The following CLDN16 variants were observed in gnomAD, a reference collection of about 807,000 sequenced individuals.
The protein encoded by CLDN16 is claudin 16.
Under a neutral mutation model 24.6 loss-of-function variants are expected in CLDN16, and 13 were observed. The ratio of observed to expected loss-of-function variants is 0.53; its 90% CI spans 0.34 to 0.84. The LOEUF (loss-of-function observed/expected upper bound fraction) is 0.84. CLDN16 is among the 40% of genes least tolerant of loss of function. The pLI, the probability that CLDN16 is intolerant of heterozygous loss-of-function variation, is 0.01. For missense variants in CLDN16, 298 were observed against 292.7 expected, an observed-to-expected ratio of 1.02 and a Z score of -0.13; for synonymous variants, 116 against 106.7, an observed-to-expected ratio of 1.09 and a Z score of -0.54.
intron 1 of CLDN16, among the ~76,000 whole-genome samples, chr3:190,340,858 G>A (rs1328617905): frequency 6.6e-6 from 1 of 152,162 alleles, no homozygotes; most frequent in Admixed American, 6.5e-5. Flanking sequence ...CATTCCAAAT[G>A]GGAGAAATTG....
chr3:190,333,575 TATC>T (rs1717231953), intron 1 of CLDN16, among the ~76,000 whole-genome samples: 1 of 98,024 alleles, frequency 1.0e-5, no homozygotes, highest in African/African-American at 4.0e-5. Flanking sequence ...TCTATCTATC[TATC>T]TATCAATCAT....
At chr3:190,400,523 G>A (rs994400734) in intron 1 of CLDN16, among the ~76,000 whole-genome samples, 8 of 152,076 alleles carry the variant, frequency 5.3e-5, no homozygotes, top group African/African-American at 1.7e-4. Context: ...GAGCCACCGT[G>A]CCCGACCGAG....
At chr3:190,409,193 C>CGTATATGCATGTATATATGCACACAT (rs1719197926) in intron 4 of CLDN16, among the ~76,000 whole-genome samples, 2 of 149,072 alleles carry the variant, frequency 1.3e-5, no homozygotes, top group African/African-American at 2.5e-5. Flanking sequence ...TATACACACA[C>CGTATATGCATGTATATATGCACACAT]GTATATGCAT....
chr3:190,295,353 C>G, the CLDN16 span, among the ~76,000 whole-genome samples: 2 of 152,088 alleles, frequency 1.3e-5, no homozygotes, highest in Non-Finnish European at 2.9e-5. Flanking sequence ...TTTATAAAAG[C>G]AAATTTTCTT....
chr3:190,327,217 C>T (rs112104173), intron 1 of CLDN16, among the ~76,000 whole-genome samples: 2,208 of 152,286 alleles, frequency 0.014, 33 homozygotes, highest in Middle Eastern at 0.037. Context: ...TTTTAGGTTT[C>T]AGAATTCCTG....
chr3:190,406,811 G>A (rs979475339), intron 3 of CLDN16, among the ~76,000 whole-genome samples: 10 of 145,618 alleles, frequency 6.9e-5, no homozygotes, highest in East Asian at 2.0e-4. Context: ...GCGTGATCTC[G>A]GCTCACTGCA....
intron 1 of CLDN16, among the ~76,000 whole-genome samples, chr3:190,336,923 A>G (rs1468440839): frequency 1.3e-5 from 2 of 152,256 alleles, no homozygotes; most frequent in Non-Finnish European, 2.9e-5. Context: ...TCCAAAGGGC[A>G]TATGTAAGCT....
At chr3:190,330,351 C>T (rs926553329) in intron 1 of CLDN16, among the ~76,000 whole-genome samples, 3 of 152,156 alleles carry the variant, frequency 2.0e-5, no homozygotes, top group African/African-American at 7.2e-5. Flanking sequence ...AACTGAGGCT[C>T]ACTCTCTGTG....
the CLDN16 span, among the ~76,000 whole-genome samples, chr3:190,302,288 A>C: frequency 2.7e-4 from 41 of 152,324 alleles, no homozygotes; most frequent in Admixed American, 6.5e-4. Context: ...TATTTAGTTT[A>C]GGATTATCAC....
chr3:190,346,983 G>A (rs894721597), intron 1 of CLDN16, among the ~76,000 whole-genome samples: 1 of 152,200 alleles, frequency 6.6e-6, no homozygotes, highest in Admixed American at 6.5e-5. Flanking sequence ...TTGGGCGGGG[G>A]GACACTTTGG....
intron 1 of CLDN16, among the ~76,000 whole-genome samples, chr3:190,359,722 T>G (rs1717847081): frequency 6.6e-6 from 1 of 151,892 alleles, no homozygotes; most frequent in African/African-American, 2.4e-5. Context: ...TGAAGAAGAG[T>G]GCTTCAGCGA....
chr3:190,353,747 G>A (rs924565534), intron 1 of CLDN16, among the ~76,000 whole-genome samples: 2 of 152,064 alleles, frequency 1.3e-5, no homozygotes, highest in African/African-American at 4.8e-5. Flanking sequence ...TGCTGACAAA[G>A]AGCTGGTTCT....
At chr3:190,364,972 A>G (rs1334167020) in intron 1 of CLDN16, among the ~76,000 whole-genome samples, 2 of 151,458 alleles carry the variant, frequency 1.3e-5, no homozygotes, top group Admixed American at 1.3e-4. Flanking sequence ...GTCAATGGAT[A>G]CTTGTTTTGA....
intron 2 of CLDN16, among the ~76,000 whole-genome samples, 153 bp downstream of exon 2, chr3:190,402,592 G>A (rs962259504): frequency 2.0e-5 from 3 of 152,050 alleles, no homozygotes; most frequent in Non-Finnish European, 2.9e-5. Context: ...TCGGAAATGT[G>A]AATTGAAATA....
At chr3:190,343,065 G>C (rs1025543591) in intron 1 of CLDN16, among the ~76,000 whole-genome samples, 4 of 152,082 alleles carry the variant, frequency 2.6e-5, no homozygotes, top group African/African-American at 9.7e-5. Flanking sequence ...ATGTATCAGA[G>C]AAAGGGTTAA....
At chr3:190,314,755 T>G in the CLDN16 span, among the ~76,000 whole-genome samples, 3 of 152,158 alleles carry the variant, frequency 2.0e-5, no homozygotes, top group Non-Finnish European at 4.4e-5. Context: ...ATTTGAGAGA[T>G]ATTTTTGAAG....
chr3:190,291,989 C>T, the CLDN16 span, among the ~76,000 whole-genome samples: 1 of 152,182 alleles, frequency 6.6e-6, no homozygotes, highest in Non-Finnish European at 1.5e-5. Context: ...TGGCCTGTGG[C>T]TTTTCCAGGT....
the CLDN16 span, among the ~76,000 whole-genome samples, chr3:190,302,268 A>C: frequency 6.6e-6 from 1 of 152,160 alleles, no homozygotes; most frequent in Non-Finnish European, 1.5e-5. Flanking sequence ...CCTTCTCAAT[A>C]GTTCTTGGCT....
the CLDN16 span, among the ~76,000 whole-genome samples, chr3:190,312,486 G>C: frequency 6.6e-6 from 1 of 152,048 alleles, no homozygotes; most frequent in South Asian, 2.1e-4. Context: ...CAGACCTGAA[G>C]GGTTCACATA....
Sources: allele counts gnomAD v4.1 joint callset (sites outside exome capture counted in the v4.1 genomes callset), GRCh38; gene constraint gnomAD v4.1.1; transcripts MANE v1.5; gene names NCBI Gene and HGNC (gene_info 2026-07-23, HGNC 2026-07-21).